AUTS2: variants seen among roughly 807,000 people sequenced by gnomAD.
AUTS2 encodes activator of transcription and developmental regulator AUTS2.
A neutral mutation model predicts 112.4 loss-of-function variants in AUTS2; 17 were observed. The ratio of observed to expected loss-of-function variants is 0.15; its 90% CI spans 0.10 to 0.23. The LOEUF (loss-of-function observed/expected upper bound fraction) is 0.23. Ranked by LOEUF, AUTS2 falls within the 10% of genes least tolerant of loss-of-function variation. AUTS2 has a pLI of 1.00. For missense variants in AUTS2, 1,510 were observed against 1,701.6 expected (o/e 0.89, Z 1.98); for synonymous variants, 751 against 702.7 (o/e 1.07, Z -1.09).
intron 2 of AUTS2, among the ~76,000 whole-genome samples, chr7:70,039,825 A>G (rs1435660883): frequency 2.0e-5 from 3 of 152,330 alleles, no homozygotes; most frequent in Non-Finnish European, 2.9e-5. Context: ...ATTTGACCTA[A>G]TTCAGCATAA....
intron 4 of AUTS2, among the ~76,000 whole-genome samples, chr7:70,376,210 G>C (rs141026974): frequency 2.0e-5 from 3 of 152,128 alleles, no homozygotes; most frequent in African/African-American, 4.8e-5. Context: ...AAATGTTTCC[G>C]TGTGAACATC....
intron 5 of AUTS2, among the ~76,000 whole-genome samples, chr7:70,521,607 A>G (rs548231091): frequency 8.3e-4 from 127 of 152,312 alleles, no homozygotes; most frequent in African/African-American, 2.9e-3. Context: ...CATATTTCTT[A>G]CTAATCACTT....
At chr7:70,782,600 A>C (rs1791163345) in intron 15 of AUTS2, 3 of 152,182 alleles carry the variant, frequency 2.0e-5, no homozygotes, top group Non-Finnish European at 4.4e-5. Context: ...TGGCACACAG[A>C]GCTCAGCTCA....
At chr7:70,033,335 A>C (rs924459941) in intron 2 of AUTS2, among the ~76,000 whole-genome samples, 1 of 152,184 alleles carries the variant, frequency 6.6e-6, no homozygotes, top group African/African-American at 2.4e-5. Flanking sequence ...ATGTTTGTAA[A>C]AGTATAATGT....
chr7:69,888,233 C>T (rs138105913), intron 1 of AUTS2, among the ~76,000 whole-genome samples: 1 of 151,762 alleles, frequency 6.6e-6, no homozygotes, highest in Non-Finnish European at 1.5e-5. Context: ...CATGGTTCTG[C>T]AGACTGTACA....
intron 5 of AUTS2, among the ~76,000 whole-genome samples, chr7:70,623,231 T>G (rs1208358492): frequency 1.3e-5 from 2 of 152,238 alleles, no homozygotes; most frequent in African/African-American, 2.4e-5. Flanking sequence ...CTAAATAGTT[T>G]CATTTAGCAG....
intron 4 of AUTS2, among the ~76,000 whole-genome samples, chr7:70,352,439 T>A (rs1791811763): frequency 6.6e-6 from 1 of 152,160 alleles, no homozygotes; most frequent in Non-Finnish European, 1.5e-5. Context: ...GTCTGTCTCA[T>A]TCATTTGTGC....
intron 5 of AUTS2, among the ~76,000 whole-genome samples, chr7:70,640,229 A>G (rs1805741753): frequency 6.6e-6 from 1 of 152,070 alleles, no homozygotes; most frequent in Admixed American, 6.5e-5. Context: ...AATATACTTT[A>G]GAACATTTCT....
intron 1 of AUTS2, among the ~76,000 whole-genome samples, chr7:69,897,585 CAA>C (rs1372464590): frequency 3.1e-5 from 3 of 96,734 alleles, no homozygotes; most frequent in Admixed American, 1.1e-4. Context: ...ACTAAAAATA[CAA>C]AAAAAAAAAA....
chr7:69,861,677 A>G (rs1792990282), intron 1 of AUTS2, among the ~76,000 whole-genome samples: 1 of 152,186 alleles, frequency 6.6e-6, no homozygotes, highest in Non-Finnish European at 1.5e-5. Context: ...CTTTTGCCTA[A>G]TTAATTACCT....
chr7:70,082,667 C>T (rs1388394600), intron 2 of AUTS2, among the ~76,000 whole-genome samples: 1 of 152,188 alleles, frequency 6.6e-6, no homozygotes. Flanking sequence ...ATCTCCTCGC[C>T]TTTTATGTAG....
chr7:70,101,096 T>G lies in AUTS2; in HGVS notation c.523-17036T>G, dbSNP rs944013367. ...TTTCACCATGTTGGCCAGGCTGGTC[T>G]CGAACTCCTGACGCCAGGTGATCTG... On this transcript the variant is annotated intron_variant, in intron 2 of 18. Coordinates refer to ENST00000342771, the MANE Select transcript of AUTS2 (RefSeq NM_015570.4). Among the ~76,000 whole-genome samples, 20 of 152,214 alleles carry G rather than the reference T, an allele frequency of 1.3e-4. No homozygotes were observed. The East Asian group carries it at 1.6e-3, about 12-fold the overall frequency.
intron 6 of AUTS2, among the ~76,000 whole-genome samples, chr7:70,743,982 C>T (rs1243838799): frequency 4.0e-5 from 6 of 151,312 alleles, no homozygotes; most frequent in South Asian, 4.2e-4. Flanking sequence ...AATCTCCCCC[C>T]ACCCCCGCCC....
chr7:70,442,008 C>T (rs898906729), intron 5 of AUTS2, among the ~76,000 whole-genome samples: 1 of 152,138 alleles, frequency 6.6e-6, no homozygotes, highest in African/African-American at 2.4e-5. Flanking sequence ...GTGGAACCCC[C>T]AGCCTTAGTT....
chr7:69,730,790 G>A lies in AUTS2; in HGVS notation c.309+130828G>A, dbSNP rs545699778. 5.3e-5 allele frequency among the ~76,000 whole-genome samples: 8 copies of A among 152,226 alleles called. No individual in the cohort carries two copies. In the East Asian group the frequency reaches 1.3e-3, roughly 26 times the overall value. ...TTTTCTCAATAGCTAGAGACCACAT[G>A]GGATCTTTGGTGTTTTCCAAAATGA... is the stretch of plus-strand genomic sequence containing the variant. On this transcript the variant is annotated intron_variant, in intron 1 of 18. Coordinates refer to ENST00000342771, the MANE Select transcript of AUTS2 (RefSeq NM_015570.4).
chr7:70,192,910 T>A (rs561302607), intron 4 of AUTS2, among the ~76,000 whole-genome samples: 1 of 152,264 alleles, frequency 6.6e-6, no homozygotes, highest in East Asian at 1.9e-4. Context: ...GTATCTTACT[T>A]CTGTGTGAGT....
intron 5 of AUTS2, among the ~76,000 whole-genome samples, chr7:70,573,229 T>A (rs941726098): frequency 1.3e-5 from 2 of 152,176 alleles, no homozygotes; most frequent in African/African-American, 4.8e-5. Flanking sequence ...TAAACAAGTA[T>A]CTCATTACAG....
chr7:70,717,436 C>G (rs1810442782), intron 6 of AUTS2, among the ~76,000 whole-genome samples: 1 of 152,248 alleles, frequency 6.6e-6, no homozygotes, highest in East Asian at 1.9e-4. Context: ...ATCCTCTCAC[C>G]CCTGCCTCCC....
At chr7:70,319,209 G>A (rs1391523368) in intron 4 of AUTS2, among the ~76,000 whole-genome samples, 2 of 152,146 alleles carry the variant, frequency 1.3e-5, no homozygotes, top group Non-Finnish European at 2.9e-5. Context: ...ATTGAGGCCT[G>A]AGTCATCTCC....
Sources: allele counts gnomAD v4.1 joint callset (sites outside exome capture counted in the v4.1 genomes callset), GRCh38; gene constraint gnomAD v4.1.1; transcripts MANE v1.5; gene names NCBI Gene and HGNC (gene_info 2026-07-23, HGNC 2026-07-21).